The following EWSR1 variants were observed in gnomAD, a reference collection of about 807,000 sequenced individuals.
EWSR1 encodes EWS RNA binding protein 1.
In EWSR1, 14 loss-of-function variants were observed where a neutral mutation model predicts 92.1. The observed-to-expected ratio is 0.15, with a 90% CI of 0.10 to 0.24. The LOEUF is 0.24. Ranked by LOEUF, EWSR1 falls within the 10% of genes least tolerant of loss-of-function variation. The probability of loss-of-function intolerance (pLI) is 1.00; values close to 1 mark genes in which losing one functional copy is unlikely to be tolerated. For synonymous variants in EWSR1, 303 were observed against 292.9 expected, an observed-to-expected ratio of 1.03 and a Z score of -0.35; for missense variants, 637 against 870.9, an observed-to-expected ratio of 0.73 and a Z score of 3.38.
intron 12 of EWSR1, 113 bp from the exon 13 acceptor site, chr22:29,297,714 A>G (rs1396152295): frequency 4.9e-5 from 68 of 1,396,186 alleles, no homozygotes; most frequent in Non-Finnish European, 6.5e-5. Context: ...TAAAGATCTT[A>G]GAGAAGATTA....
chr22:29,283,148 TAACTC>T (rs1190692854), intron 6 of EWSR1, among the ~76,000 whole-genome samples: 1 of 152,202 alleles, frequency 6.6e-6, no homozygotes, highest in Non-Finnish European at 1.5e-5. Flanking sequence ...CTGTTTTAGT[TAACTC>T]AGATGGGAAG....
In EWSR1 at chr22:29,299,341, G is replaced by C; in HGVS notation, c.1678+10G>C. ...CCCTTTCCGCCCCCGGGTAGGTGCA[G>C]GTTTCATGAGTGTCCCCTCAGCTTC... On this transcript the variant is annotated intron_variant, in intron 15 of 16. Coordinates refer to ENST00000397938, the MANE Select transcript of EWSR1 (RefSeq NM_005243.4). 6.2e-7 allele frequency: 1 copy of C among 1,609,252 alleles called. No individual in the cohort carries two copies. Among genetic ancestry groups the C allele is most frequent in the South Asian group, 1.1e-5 (1 of 90,940 alleles).
At chr22:29,287,232 G>C in intron 7 of EWSR1, 98 bp downstream of exon 7, 1 of 1,209,334 alleles carries the variant, frequency 8.3e-7, no homozygotes. Context: ...TTTTGAGATG[G>C]AGTTTCACTC....
At chr22:29,295,897 G>T (rs2060821769) in intron 11 of EWSR1, 1 of 286,682 alleles carries the variant, frequency 3.5e-6, no homozygotes, top group Non-Finnish European at 6.7e-6. Flanking sequence ...TTATGTGGTG[G>T]TATCAAAGTC....
rs2058737780 is a variant in EWSR1, at chr22:29,272,200, CCTT to C, written c.14-15_14-13del. The stretch of plus-strand genomic sequence containing the variant: ...CTGCTAACTTTACACTATTTTTCCT[CCTT>C]GTTTTCCTCTAGATTACAGTACCTA... On this transcript the variant is annotated splice_polypyrimidine_tract_variant and intron_variant, in intron 1 of 16. Coordinates refer to ENST00000397938, the MANE Select transcript of EWSR1 (RefSeq NM_005243.4). The C allele has an allele frequency of 1.1e-5, 17 of 1,612,872 alleles. No homozygotes were observed. The highest frequency in any genetic ancestry group is 3.3e-5 in the South Asian group (3 of 91,046).
chr22:29,284,487 CCTT>C (rs1383294467), intron 6 of EWSR1, among the ~76,000 whole-genome samples: 4 of 151,368 alleles, frequency 2.6e-5, no homozygotes, highest in African/African-American at 4.9e-5. Flanking sequence ...GGCTTACAAC[CCTT>C]CTTCCACAGA....
chr22:29,268,759 C>T (rs1485731130), intron 1 of EWSR1, among the ~76,000 whole-genome samples: 7 of 152,256 alleles, frequency 4.6e-5, no homozygotes, highest in South Asian at 2.1e-4. Context: ...GCTGCTGTCC[C>T]TGTGAGGCCT....
rs745768944 is a variant in EWSR1 at position 29,299,329 on chromosome 22, C to T, written c.1676C>T (p.Pro559Leu). Residue 559 changes from proline (P) to leucine (L), a missense_variant and splice_region_variant, in exon 15 of 17, where the codon CCG (proline) becomes CTG (leucine). Pro to Leu is a moderately conservative substitution (Grantham distance 98, BLOSUM62 -3). Coordinates refer to ENST00000397938, the MANE Select transcript of EWSR1 (RefSeq NM_005243.4). ...EGFLPPPFPP[P>L]GGDRGRGGPG... Reference sequence around the variant, plus strand: ...TTCCTCCCGCCACCCTTTCCGCCCCCGGGTAGGTGCAGGTTTCATGAGTGT... The same window carrying T: ...TTCCTCCCGCCACCCTTTCCGCCCCTGGGTAGGTGCAGGTTTCATGAGTGT... 9.9e-6 allele frequency: 16 copies of T among 1,613,252 alleles called. No individual in the cohort carries two copies. The highest frequency in any genetic ancestry group is 2.7e-5 in the African/African-American group (2 of 74,926).
Position 29,273,756 on chromosome 22 carries a change from A to G in EWSR1, c.118A>G (p.Ser40Gly). 2 of 1,613,190 alleles carry G rather than the reference A, an allele frequency of 1.2e-6. No homozygotes were observed. Among genetic ancestry groups the G allele is most frequent in the Non-Finnish European group, 1.7e-6 (2 of 1,179,804 alleles). The part of the protein sequence containing the change: ...AQTTQAYGQQ[S>G]YGTYGQPTDV... Reference sequence around the variant, plus strand: ...TTTGGAGCAGGCATATGGGCAACAAAGCTATGGAACCTATGGACAGCCCAC... The same window carrying G: ...TTTGGAGCAGGCATATGGGCAACAAGGCTATGGAACCTATGGACAGCCCAC... Residue 40 changes from serine (S) to glycine (G), a missense_variant, in exon 4 of 17, where the codon AGC becomes GGC. By Grantham distance (56) the Ser-to-Gly change is moderately conservative (BLOSUM62 0). Transcript: ENST00000397938.
intron 11 of EWSR1, among the ~76,000 whole-genome samples, chr22:29,293,715 C>T (rs1217285881): frequency 6.6e-6 from 1 of 152,110 alleles, no homozygotes; most frequent in East Asian, 1.9e-4. Context: ...CAGGTGCCCG[C>T]CACCACACCC....
At chr22:29,268,632 T>C (rs2058342577) in intron 1 of EWSR1, among the ~76,000 whole-genome samples, 1 of 152,028 alleles carries the variant, frequency 6.6e-6, no homozygotes, top group African/African-American at 2.4e-5. Flanking sequence ...CCTCGCGCCC[T>C]GAGCTCCGGG....
At chr22:29,292,340 TAAACCA>T in intron 10 of EWSR1, 142 bp from the exon 11 acceptor site, 2 of 943,114 alleles carry the variant, frequency 2.1e-6, no homozygotes, top group South Asian at 3.0e-5. Context: ...TTAAGTGAAG[TAAACCA>T]AAAGTTTGAT....
intron 7 of EWSR1, among the ~76,000 whole-genome samples, chr22:29,287,932 T>TGG (rs2060169651): frequency 6.6e-6 from 1 of 152,198 alleles, no homozygotes; most frequent in Non-Finnish European, 1.5e-5. Flanking sequence ...CCCAGCACTT[T>TGG]GGGGGAGGCC....
chr22:29,278,548 G>C (rs1481096669), intron 5 of EWSR1, among the ~76,000 whole-genome samples: 5 of 152,122 alleles, frequency 3.3e-5, no homozygotes, highest in East Asian at 1.9e-4. Flanking sequence ...ATACCGGGGG[G>C]GCGCAGTGGC....
At chr22:29,272,695 C>T (rs1012282150) in intron 3 of EWSR1, among the ~76,000 whole-genome samples, 2 of 152,178 alleles carry the variant, frequency 1.3e-5, no homozygotes, top group Admixed American at 1.3e-4. Context: ...CTTGGTCCTT[C>T]TTCATTATGT....
At chr22:29,280,266 C>T (rs1157403514) in intron 5 of EWSR1, among the ~76,000 whole-genome samples, 1 of 152,164 alleles carries the variant, frequency 6.6e-6, no homozygotes, top group Non-Finnish European at 1.5e-5. Context: ...CAAGGTTTCA[C>T]TATGTTGGCC....
intron 5 of EWSR1, among the ~76,000 whole-genome samples, chr22:29,281,378 A>T (rs976771999): frequency 8.0e-6 from 1 of 124,284 alleles, no homozygotes; most frequent in Non-Finnish European, 1.7e-5. Flanking sequence ...CTAACAGCTC[A>T]CTGCAGCCTT....
Position 29,298,840 on chromosome 22 carries a change from C to A in EWSR1, c.1525C>A (p.Pro509Thr), listed in dbSNP as rs756545471. 9 of 1,591,130 alleles carry A rather than the reference C, an allele frequency of 5.7e-6. No individual in the cohort carries two copies. In the South Asian group the frequency reaches 1.0e-4, roughly 18 times the overall value. Reference protein sequence around the residue: ...PRGPRGSRGNPSGGGNVQHRA... With the variant: ...PRGPRGSRGNTSGGGNVQHRA... ...AGGACCCCGGGGTTCCCGAGGGAAC[C>A]CCTCTGGAGGAGGAAACGTCCAGCA... Residue 509 changes from proline to threonine, a missense_variant, in exon 14 of 17, where the codon CCC becomes ACC. By Grantham distance (38) the Pro-to-Thr change is conservative. This residue lies in a region of EWSR1 where 363 missense variants were observed against 447.8 expected (regional missense o/e 0.81). Coordinates refer to ENST00000397938, the MANE Select transcript of EWSR1 (RefSeq NM_005243.4).
intron 6 of EWSR1, among the ~76,000 whole-genome samples, chr22:29,285,506 G>C (rs2059957947): frequency 6.6e-6 from 1 of 151,306 alleles, no homozygotes; most frequent in Non-Finnish European, 1.5e-5. Context: ...CTTAATATTT[G>C]TCTTTCATAC....
Sources: allele counts gnomAD v4.1 joint callset (sites outside exome capture counted in the v4.1 genomes callset), GRCh38; gene constraint gnomAD v4.1.1; regional missense constraint gnomAD v4.1.1; transcripts MANE v1.5; gene names NCBI Gene and HGNC (gene_info 2026-07-23, HGNC 2026-07-21).